The following EFCAB3 variants were observed in gnomAD, a reference collection of about 807,000 sequenced individuals.
EFCAB3 encodes the protein EF-hand calcium binding domain 3.
EFCAB3 carries 36 observed loss-of-function variants against 42.2 expected under a neutral mutation model. That is an observed-to-expected ratio of 0.85 (90% CI 0.65 to 1.13). The LOEUF (loss-of-function observed/expected upper bound fraction) is 1.13, where lower values mean the gene tolerates loss of function less well. Among genes scored for constraint, EFCAB3 ranks in the 50% most tolerant of loss-of-function variants. The pLI, the probability that EFCAB3 is intolerant of heterozygous loss-of-function variation, is 0.00. For synonymous variants in EFCAB3, 170 were observed against 172.8 expected (o/e 0.98, Z 0.13); for missense variants, 418 against 505.1 (o/e 0.83, Z 1.65).
At chr17:62,393,716 G>A (rs1291894211) in intron 5 of EFCAB3, 72 bp downstream of exon 5, 1 of 1,362,292 alleles carries the variant, frequency 7.3e-7, no homozygotes, top group South Asian at 1.2e-5. Flanking sequence ...ATCATTCACA[G>A]GCTTCCAGTC....
chr17:62,386,794 T>G (rs2070255280), intron 2 of EFCAB3, among the ~76,000 whole-genome samples: 1 of 149,094 alleles, frequency 6.7e-6, no homozygotes, highest in African/African-American at 2.4e-5. Flanking sequence ...TTTTTTGGGG[T>G]TTGTTTTTTT....
At chr17:62,385,989 A>G (rs964001551) in intron 2 of EFCAB3, among the ~76,000 whole-genome samples, 1 of 151,642 alleles carries the variant, frequency 6.6e-6, no homozygotes, top group East Asian at 1.9e-4. Context: ...GGCCTCCCTA[A>G]GTGCAGGGAT....
chr17:62,386,647 C>A (rs2070254081), intron 2 of EFCAB3, among the ~76,000 whole-genome samples: 1 of 152,162 alleles, frequency 6.6e-6, no homozygotes, highest in Non-Finnish European at 1.5e-5. Flanking sequence ...AGCATTATGG[C>A]CTTGACTTTT....
chr17:62,380,510 C>G (rs1436552060), upstream of EFCAB3: 1 of 970,952 alleles, frequency 1.0e-6, no homozygotes, highest in Admixed American at 6.2e-5. Context: ...AGGCTTGAGC[C>G]TGAGCAGTGA....
chr17:62,378,829 C>T (rs1007246698), upstream of EFCAB3, among the ~76,000 whole-genome samples: 2 of 151,798 alleles, frequency 1.3e-5, no homozygotes. Context: ...ATGTAGATTA[C>T]AGGTTGATGG....
At chr17:62,373,319 A>G (rs150786627) in intron 1 of EFCAB3, among the ~76,000 whole-genome samples, 48 of 151,948 alleles carry the variant, frequency 3.2e-4, no homozygotes, top group African/African-American at 1.1e-3. Flanking sequence ...ATCTCTTTCA[A>G]AGACTCATCC....
intron 9 of EFCAB3, among the ~76,000 whole-genome samples, chr17:62,415,164 C>G (rs1397768397): frequency 1.3e-5 from 2 of 152,064 alleles, no homozygotes; most frequent in Non-Finnish European, 2.9e-5. Flanking sequence ...GTCCCCTTCA[C>G]TCCATCCCCA....
chr17:62,406,475 TA>T lies in EFCAB3; in HGVS notation c.489-2del, dbSNP rs748040526. 5 of 1,563,378 alleles carry T rather than the reference TA, an allele frequency of 3.2e-6. No homozygotes were observed. The highest frequency in any genetic ancestry group is 1.2e-5 in the South Asian group (1 of 83,174). ...TCCATTTCTGAATTACTTTTTTTTT[TA>T]AAGCTATTTCCAAAGAAAATTCCAG... On this transcript the variant is annotated splice_polypyrimidine_tract_variant and splice_region_variant and intron_variant, in intron 6 of 9. Transcript: ENST00000305286.
rs545978129 is a variant in EFCAB3, at chr17:62,383,761, A to AAGT, written c.74+709_74+710insGTA. On this transcript the variant is annotated intron_variant, in intron 2 of 9. Coordinates refer to ENST00000305286, the MANE Select transcript of EFCAB3 (RefSeq NM_173503.4). ...CTTGAGATATTTTGAGTGCCAGTTTAAAGAAGAAAAAATTTAGAAGATCAT... is the reference window on the plus strand; with the variant it reads ...CTTGAGATATTTTGAGTGCCAGTTTAAGTAAGAAGAAAAAATTTAGAAGATCAT... Among the ~76,000 whole-genome samples the AAGT allele has an allele frequency of 1.1e-4, 16 of 152,342 alleles. No homozygotes were observed. The South Asian group carries it at 3.1e-3, about 30-fold the overall frequency.
upstream of EFCAB3, among the ~76,000 whole-genome samples, chr17:62,376,428 C>T (rs1286750627): frequency 6.6e-6 from 1 of 152,194 alleles, no homozygotes; most frequent in Admixed American, 6.5e-5. Context: ...CGCACCACTG[C>T]ACTCCAGCCT....
In EFCAB3 at chr17:62,395,174, A is replaced by C; in HGVS notation, c.474A>C (p.Ile158=). 1 of 1,613,632 alleles carries C rather than the reference A, an allele frequency of 6.2e-7. No homozygotes were observed. The highest frequency in any genetic ancestry group is 1.1e-5 in the South Asian group (1 of 90,902). Residue 158 remains isoleucine (I), a synonymous_variant, in exon 6 of 10, where the codon ATA becomes ATC. Transcript: ENST00000305286. ...LETSALPRKS[I]IEIVSYFQRK... is the part of the protein sequence containing the mutation. ...CTTCAGCCCTACCCAGAAAGTCTAT[A>C]ATAGAAATAGTAAGGTAAGTGAGAA...
At chr17:62,380,065 G>C (rs892640519), upstream of EFCAB3, among the ~76,000 whole-genome samples, 32 of 152,292 alleles carry the variant, frequency 2.1e-4, no homozygotes, top group African/African-American at 7.0e-4. Flanking sequence ...GCAGGGGCGT[G>C]ATCTCAGTTC....
intron 9 of EFCAB3, 79 bp from the exon 10 acceptor site, chr17:62,415,924 T>C (rs1265765384): frequency 8.3e-7 from 1 of 1,207,338 alleles, no homozygotes; most frequent in African/African-American, 1.5e-5. Context: ...GACATAACTC[T>C]TGGGGTATCT....
chr17:62,382,964 CAG>C lies in EFCAB3; in HGVS notation c.-13_-12del, dbSNP rs761871625. The C allele has an allele frequency of 3.1e-6, 5 of 1,610,264 alleles. No individual in the cohort carries two copies. The South Asian group carries it at 3.3e-5, about 11-fold the overall frequency. On this transcript the variant is annotated splice_region_variant and 5_prime_UTR_variant, in exon 2 of 10. Transcript: ENST00000305286. ...TTAATTGTATATTCTGAATTCCAGA[CAG>C]AGTCACTGGCCACATGGCAGTTTCA...
intron 8 of EFCAB3, among the ~76,000 whole-genome samples, chr17:62,408,616 T>C (rs554217059): frequency 6.6e-6 from 1 of 152,338 alleles, no homozygotes; most frequent in African/African-American, 2.4e-5. Flanking sequence ...ACCAGTCACA[T>C]TGCAAATGCT....
At chr17:62,387,264 G>A in intron 2 of EFCAB3, 76 bp from the exon 3 acceptor site, 2 of 1,158,134 alleles carry the variant, frequency 1.7e-6, no homozygotes, top group Non-Finnish European at 2.5e-6. Flanking sequence ...CCAGTAAGCA[G>A]AAACTGATGA....
intron 5 of EFCAB3, 30 bp downstream of exon 5, chr17:62,393,674 G>A (rs896212747): frequency 1.3e-6 from 2 of 1,591,500 alleles, no homozygotes; most frequent in Non-Finnish European, 1.7e-6. Flanking sequence ...ACAGAAGGCA[G>A]TTGGGCAGCT....
At chr17:62,380,379 A>G (rs2070186243), upstream of EFCAB3, among the ~76,000 whole-genome samples, 1 of 152,224 alleles carries the variant, frequency 6.6e-6, no homozygotes, top group South Asian at 2.1e-4. Context: ...AAATTCCAAC[A>G]GTGTCAAAAT....
At chr17:62,370,438 T>C in intron 1 of EFCAB3, 1 of 1,029,218 alleles carries the variant, frequency 9.7e-7, no homozygotes, top group Non-Finnish European at 1.5e-6. Flanking sequence ...GTGGATCACC[T>C]GAGGTCAGGA....
Sources: allele counts gnomAD v4.1 joint callset (sites outside exome capture counted in the v4.1 genomes callset), GRCh38; gene constraint gnomAD v4.1.1; transcripts MANE v1.5; gene names NCBI Gene and HGNC (gene_info 2026-07-23, HGNC 2026-07-21).